Variants in MSH4 observed in about 807,000 individuals in gnomAD.
MSH4 encodes mutS protein homolog 4.
Under a neutral mutation model 113.7 loss-of-function variants are expected in MSH4, and 106 were observed. That is an observed-to-expected ratio of 0.93 (90% CI 0.80 to 1.10). The LOEUF is 1.10. Among genes scored for constraint, MSH4 ranks in the 50% least tolerant of loss-of-function variants. The probability of loss-of-function intolerance (pLI) is 0.00; values close to 1 mark genes in which losing one functional copy is unlikely to be tolerated. For synonymous variants in MSH4, 368 were observed against 380.2 expected, an observed-to-expected ratio of 0.97 and a Z score of 0.37; for missense variants, 1,061 against 1,093.7, an observed-to-expected ratio of 0.97 and a Z score of 0.42.
rs577508379 is a variant in MSH4 at position 75,825,187 on chromosome 1, T to A, written c.1162+2606T>A. ...TTGAAGAGGTCCTTCACTTCCCTTG[T>A]AAGTTGTATTCCTAGGTGTTTTATT... On this transcript the variant is annotated intron_variant, in intron 7 of 19. Coordinates refer to ENST00000263187, the MANE Select transcript of MSH4 (RefSeq NM_002440.4). 6.6e-5 allele frequency among the ~76,000 whole-genome samples: 10 copies of A among 152,284 alleles called. No individual in the cohort carries two copies. In the South Asian group the frequency reaches 2.1e-3, roughly 32 times the overall value.
chr1:75,811,005 G>A (rs1210056946), intron 4 of MSH4, among the ~76,000 whole-genome samples, 198 bp downstream of exon 4: 1 of 152,092 alleles, frequency 6.6e-6, no homozygotes, highest in Non-Finnish European at 1.5e-5. Context: ...CCAAGTAGCT[G>A]GGACTACAGG....
intron 14 of MSH4, among the ~76,000 whole-genome samples, 168 bp downstream of exon 14, chr1:75,881,538 A>AT (rs1557521670): frequency 6.6e-6 from 1 of 151,896 alleles, no homozygotes. Context: ...TACCCTTAAA[A>AT]TTTTTTTTGA....
Position 75,805,923 on chromosome 1 carries a change from A to G in MSH4, c.428-1058A>G, listed in dbSNP as rs913862766. Among the ~76,000 whole-genome samples, 6 of 152,140 alleles carry G rather than the reference A, an allele frequency of 3.9e-5. No homozygotes were observed. In the East Asian group the frequency reaches 1.2e-3, roughly 29 times the overall value. On this transcript the variant is annotated intron_variant, in intron 2 of 19. Coordinates refer to ENST00000263187, the MANE Select transcript of MSH4 (RefSeq NM_002440.4). ...CATAATAAATTGTATTGGTTAATTT[A>G]TTGGTTATTATGGTATGCTCTTATT...
Position 75,867,415 on chromosome 1 carries a change from A to G in MSH4, c.1231-99A>G, listed in dbSNP as rs937421979. ...TGCGGCTAGGCTGATATATAAAAAT[A>G]TATGGGATATGGAAAGAGTAAGAAT... On this transcript the variant is annotated intron_variant, in intron 8 of 19. Transcript: ENST00000263187. 6 of 702,358 alleles carry G rather than the reference A, an allele frequency of 8.5e-6. No homozygotes were observed. The African/African-American group carries it at 1.1e-4, about 13-fold the overall frequency. 43.5% of individuals were successfully genotyped at this position (702,358 alleles called of 1,614,324 possible). A position where few individuals can be genotyped will look rare whatever the true frequency, so the allele number is the denominator to read the frequency against.
intron 19 of MSH4, among the ~76,000 whole-genome samples, chr1:75,907,350 G>C (rs1196826772): frequency 6.6e-6 from 1 of 151,834 alleles, no homozygotes; most frequent in Non-Finnish European, 1.5e-5. Context: ...GATCTATATG[G>C]TTTTTGTTGA....
At position 75,883,627 on chromosome 1, in the gene MSH4, C is replaced by G; in HGVS notation, c.1913C>G (p.Pro638Arg). Residue 638 changes from proline to arginine, a missense_variant, in exon 15 of 20, where the codon CCA becomes CGA. Pro to Arg is a moderately radical substitution (Grantham distance 103). Transcript: ENST00000263187. ...TTCTATTTTTTTTCTTAAGTTCGACCAGAATTTACTGATACTTTAGCAATC... is the reference window on the plus strand; with the variant it reads ...TTCTATTTTTTTTCTTAAGTTCGACGAGAATTTACTGATACTTTAGCAATC... ...HACTLSDYVR[P>R]EFTDTLAIKQ... is the part of the protein sequence containing the mutation. The G allele has an allele frequency of 6.2e-7, 1 of 1,605,238 alleles. No individual in the cohort carries two copies. Among genetic ancestry groups the G allele is most frequent in the Non-Finnish European group, 8.5e-7 (1 of 1,177,424 alleles).
chr1:75,802,378 G>C (rs992866408), intron 1 of MSH4, among the ~76,000 whole-genome samples: 2 of 152,110 alleles, frequency 1.3e-5, no homozygotes, highest in Admixed American at 6.6e-5. Context: ...TTAAGAAGCA[G>C]AGGAAAAAGG....
intron 9 of MSH4, among the ~76,000 whole-genome samples, chr1:75,869,599 G>C (rs1316725084): frequency 6.6e-6 from 1 of 152,186 alleles, no homozygotes; most frequent in Non-Finnish European, 1.5e-5. Context: ...AGTTGCTCCA[G>C]CTATGGCTAA....
intron 7 of MSH4, among the ~76,000 whole-genome samples, chr1:75,835,044 A>T (rs1650798767): frequency 6.6e-6 from 1 of 152,216 alleles, no homozygotes; most frequent in East Asian, 1.9e-4. Flanking sequence ...AGGATAGTTT[A>T]TATGTACTAC....
At chr1:75,806,856 G>A (rs551621790) in intron 2 of MSH4, 125 bp from the exon 3 acceptor site, 140 of 762,510 alleles carry the variant, frequency 1.8e-4, no homozygotes, top group South Asian at 1.3e-3. Context: ...ATTGAAATAA[G>A]AGGCTAACTG....
intron 1 of MSH4, among the ~76,000 whole-genome samples, chr1:75,798,777 C>T (rs542646923): frequency 6.6e-6 from 1 of 152,108 alleles, no homozygotes; most frequent in African/African-American, 2.4e-5. Context: ...AGCCTGGTCT[C>T]GAACTTCTAG....
At chr1:75,809,898 G>A (rs961122239) in intron 3 of MSH4, among the ~76,000 whole-genome samples, 3 of 151,884 alleles carry the variant, frequency 2.0e-5, no homozygotes, top group Non-Finnish European at 4.4e-5. Context: ...TGATGCAGTC[G>A]CCTTGGCCTC....
At position 75,804,009 on chromosome 1, in the gene MSH4, A is replaced by G. The variant is rs139750304; in HGVS notation, c.427+96A>G. 4.0e-4 allele frequency: 322 copies of G among 799,032 alleles called. No individual in the cohort carries two copies. The African/African-American group carries it at 5.2e-3, about 13-fold the overall frequency. 49.5% of individuals were successfully genotyped at this position (799,032 alleles called of 1,614,324 possible). A position where few individuals can be genotyped will look rare whatever the true frequency, so the allele number is the denominator to read the frequency against. Reference sequence around the variant, plus strand: ...TTATTAAGTTCATTTGAATTTATCTATAACTGATATGAATGAAAAATAAAT... The same window carrying G: ...TTATTAAGTTCATTTGAATTTATCTGTAACTGATATGAATGAAAAATAAAT... On this transcript the variant is annotated intron_variant, in intron 2 of 19. Coordinates refer to ENST00000263187, the MANE Select transcript of MSH4 (RefSeq NM_002440.4).
intron 7 of MSH4, among the ~76,000 whole-genome samples, chr1:75,836,437 T>G (rs1355154903): frequency 6.6e-6 from 1 of 151,948 alleles, no homozygotes; most frequent in African/African-American, 2.4e-5. Flanking sequence ...TAGCTGATAC[T>G]ATAGGCCTCT....
chr1:75,903,483 T>C (rs1227922596), intron 19 of MSH4, among the ~76,000 whole-genome samples: 1 of 152,124 alleles, frequency 6.6e-6, no homozygotes, highest in Non-Finnish European at 1.5e-5. Context: ...GTTTGTTCTT[T>C]TTGTTCAGGG....
In MSH4 at chr1:75,797,064, CAG is replaced by C; in HGVS notation, c.80_81del (p.Gln27ArgfsTer86). 6.2e-7 allele frequency: 1 copy of C among 1,614,086 alleles called. No homozygotes were observed. The highest frequency in any genetic ancestry group is 8.5e-7 in the Non-Finnish European group (1 of 1,179,950). ...GTCGTCGGGAGAAACCCGCTCACCT[CAG>C]GGTCCCCGCTACAATTTCGGACTCC... Reference protein sequence around the residue: ...SPSSGETRSPQGPRYNFGLQE... With the variant: ...SPSSGETRSPXGPRYNFGLQE... On this transcript the variant is annotated frameshift_variant, in exon 1 of 20. Coordinates refer to ENST00000263187, the MANE Select transcript of MSH4 (RefSeq NM_002440.4). LOFTEE classifies it high-confidence loss of function.
chr1:75,890,620 G>T, intron 16 of MSH4, 76 bp from the exon 17 acceptor site: 1 of 714,606 alleles, frequency 1.4e-6, no homozygotes, highest in Non-Finnish European at 2.2e-6. Context: ...AAGAGACTGG[G>T]TTTCTCCTCA....
intron 15 of MSH4, among the ~76,000 whole-genome samples, chr1:75,887,286 C>T (rs1352821603): frequency 6.6e-6 from 1 of 152,132 alleles, no homozygotes; most frequent in African/African-American, 2.4e-5. Context: ...CTCTCCCTCT[C>T]CTGCTCGCAT....
At chr1:75,892,915 CTT>C (rs906419310) in intron 17 of MSH4, among the ~76,000 whole-genome samples, 2 of 152,146 alleles carry the variant, frequency 1.3e-5, no homozygotes, top group Non-Finnish European at 2.9e-5. Context: ...AAAAAAGCCT[CTT>C]TATGGTCACT....
Sources: allele counts gnomAD v4.1 joint callset (sites outside exome capture counted in the v4.1 genomes callset), GRCh38; gene constraint gnomAD v4.1.1; transcripts MANE v1.5; gene names NCBI Gene and HGNC (gene_info 2026-07-23, HGNC 2026-07-21).